The following MALRD1 variants were observed in gnomAD, a reference collection of about 807,000 sequenced individuals.
The protein encoded by MALRD1 is MAM and LDL receptor class A domain containing 1.
MALRD1 carries 247 observed loss-of-function variants against 242.1 expected under a neutral mutation model. The ratio of observed to expected loss-of-function variants is 1.02; its 90% CI spans 0.92 to 1.13. The LOEUF is 1.13. MALRD1 is among the 50% of genes most tolerant of loss of function. The pLI is 0.00. For missense variants in MALRD1, 2,989 were observed against 2,533.1 expected, an observed-to-expected ratio of 1.18 and a Z score of -3.86; for synonymous variants, 995 against 866.6, an observed-to-expected ratio of 1.15 and a Z score of -2.60.
chr10:19,291,204 A>C (rs1316211367), intron 21 of MALRD1, among the ~76,000 whole-genome samples: 1 of 152,098 alleles, frequency 6.6e-6, no homozygotes, highest in Non-Finnish European at 1.5e-5. Context: ...AGTTCCTCAC[A>C]CTTCATTCAT....
At chr10:19,415,269 G>A (rs775198403) in intron 28 of MALRD1, among the ~76,000 whole-genome samples, 11 of 152,046 alleles carry the variant, frequency 7.2e-5, no homozygotes, top group Non-Finnish European at 1.2e-4. Context: ...TTATTTGGGC[G>A]TTGACCATAC....
At chr10:19,725,448 G>A (rs1834979536) in intron 38 of MALRD1, among the ~76,000 whole-genome samples, 1 of 152,112 alleles carries the variant, frequency 6.6e-6, no homozygotes, top group African/African-American at 2.4e-5. Context: ...CAGGCCTGTG[G>A]AACTGTGAGT....
At chr10:19,528,014 G>A (rs1208638787) in intron 31 of MALRD1, among the ~76,000 whole-genome samples, 1 of 152,130 alleles carries the variant, frequency 6.6e-6, no homozygotes, top group African/African-American at 2.4e-5. Flanking sequence ...TAGGTATATT[G>A]GCTTTGCATT....
chr10:19,592,967 T>C (rs1837894662), intron 33 of MALRD1, among the ~76,000 whole-genome samples: 1 of 150,822 alleles, frequency 6.6e-6, no homozygotes, highest in Non-Finnish European at 1.5e-5. Context: ...CAACCTTTGG[T>C]GAGCTCATAA....
rs41497046 is a variant in MALRD1 at position 19,488,140 on chromosome 10, A to G, written c.5030-3377A>G. 5.9e-3 allele frequency among the ~76,000 whole-genome samples: 901 copies of G among 152,360 alleles called. 13 individuals carry two copies. Among genetic ancestry groups the G allele is most frequent in the Admixed American group, 0.024 (362 of 15,306 alleles). On this transcript the variant is annotated intron_variant, in intron 29 of 39. Coordinates refer to ENST00000454679, the MANE Select transcript of MALRD1 (RefSeq NM_001142308.3). ...AATATAAGTCACTATGAATCTGTGA[A>G]GTATTGTCATTTGACTACATATCTG...
chr10:19,610,523 C>T (rs765912137), intron 35 of MALRD1, among the ~76,000 whole-genome samples: 6 of 151,940 alleles, frequency 3.9e-5, no homozygotes, highest in Non-Finnish European at 8.8e-5. Context: ...TGGTTTGTTG[C>T]ACAAAATCTT....
At chr10:19,411,920 G>A (rs1366328787) in intron 28 of MALRD1, among the ~76,000 whole-genome samples, 1 of 152,216 alleles carries the variant, frequency 6.6e-6, no homozygotes, top group Non-Finnish European at 1.5e-5. Flanking sequence ...TATAAGCCTT[G>A]TGGGACAACT....
chr10:19,055,228 G>T (rs1420230914), intron 1 of MALRD1, among the ~76,000 whole-genome samples: 1 of 151,998 alleles, frequency 6.6e-6, no homozygotes, highest in Non-Finnish European at 1.5e-5. Flanking sequence ...AAGGTCCTTT[G>T]CCCACTTTTA....
chr10:19,121,520 C>G (rs1228668849), intron 5 of MALRD1, among the ~76,000 whole-genome samples: 1 of 152,068 alleles, frequency 6.6e-6, no homozygotes, highest in African/African-American at 2.4e-5. Context: ...AGAAGGTTGT[C>G]GGATCAGGAG....
chr10:19,631,148 C>A (rs913764784), intron 36 of MALRD1, among the ~76,000 whole-genome samples: 2 of 152,164 alleles, frequency 1.3e-5, no homozygotes, highest in African/African-American at 4.8e-5. Flanking sequence ...TCCTCCCAAC[C>A]TGCACCTTCA....
At chr10:19,227,073 C>A (rs901037487) in intron 18 of MALRD1, among the ~76,000 whole-genome samples, 13 of 151,568 alleles carry the variant, frequency 8.6e-5, no homozygotes, top group African/African-American at 3.1e-4. Flanking sequence ...GATGATAATT[C>A]CCCTGAAACT....
At chr10:19,426,883 C>A (rs1472709913) in intron 28 of MALRD1, among the ~76,000 whole-genome samples, 4 of 152,014 alleles carry the variant, frequency 2.6e-5, no homozygotes, top group Non-Finnish European at 5.9e-5. Context: ...TATTTTTTTC[C>A]TTTTAAATGT....
chr10:19,591,481 C>T (rs1197311631), intron 33 of MALRD1, among the ~76,000 whole-genome samples: 2 of 150,230 alleles, frequency 1.3e-5, no homozygotes, highest in Non-Finnish European at 3.0e-5. Context: ...TTCTTTCCTT[C>T]CTTCCTTTTA....
chr10:19,381,158 T>C (rs1485889709), intron 26 of MALRD1, among the ~76,000 whole-genome samples: 1 of 147,662 alleles, frequency 6.8e-6, no homozygotes, highest in Non-Finnish European at 1.5e-5. Context: ...GAATATGCGG[T>C]GTTCGGTTTT....
chr10:19,463,380 A>ATGCATCCTC (rs61515073), intron 29 of MALRD1, among the ~76,000 whole-genome samples: 2 of 150,654 alleles, frequency 1.3e-5, no homozygotes, highest in Admixed American at 1.3e-4. Context: ...TTATGATACA[A>ATGCATCCTC]TGCATCCTCT....
chr10:19,340,986 A>G (rs544358757), intron 24 of MALRD1, among the ~76,000 whole-genome samples: 1 of 152,134 alleles, frequency 6.6e-6, no homozygotes, highest in Non-Finnish European at 1.5e-5. Flanking sequence ...TAATACAAAA[A>G]ATTTTACAAA....
In MALRD1 at chr10:19,165,718, C is replaced by G; in HGVS notation, c.1738C>G (p.Gln580Glu). ...GTCTCTAGATGGAAACTTGCAAAAG[C>G]AGGGCAAAATAATCAGATTCTCCGA... The part of the protein sequence containing the change: ...RTSLDGNLQK[Q>E]GKIIRFSESQ... The change falls in exon 13 of 40, where the codon CAG (glutamine) becomes GAG (glutamate). Residue 580 changes from glutamine to glutamate, a missense_variant. By Grantham distance (29) the Gln-to-Glu change is conservative (BLOSUM62 2). Coordinates refer to ENST00000454679, the MANE Select transcript of MALRD1 (RefSeq NM_001142308.3). 1 of 1,231,634 alleles carries G rather than the reference C, an allele frequency of 8.1e-7. No individual in the cohort carries two copies. Among genetic ancestry groups the G allele is most frequent in the Non-Finnish European group, 1.0e-6 (1 of 987,940 alleles). 76.3% of individuals were successfully genotyped at this position (1,231,634 alleles called of 1,614,324 possible). A position where few individuals can be genotyped will look rare whatever the true frequency, so the allele number is the denominator to read the frequency against.
chr10:19,184,959 GAAGTCCATTTT>G (rs889005073), intron 14 of MALRD1, among the ~76,000 whole-genome samples: 3 of 152,170 alleles, frequency 2.0e-5, no homozygotes, highest in Non-Finnish European at 4.4e-5. Flanking sequence ...CCCTGTGTTT[GAAGTCCATTTT>G]GAAATTTACT....
At chr10:19,615,516 C>CAAAAAAAAAAAAAAAAAAAA (rs530920512) in intron 35 of MALRD1, among the ~76,000 whole-genome samples, 17 of 37,210 alleles carry the variant, frequency 4.6e-4, no homozygotes, top group African/African-American at 1.6e-3. Flanking sequence ...GACCCTGCCT[C>CAAAAAAAAAAAAAAAAAAAA]AAAAAAAAAA....
Sources: allele counts gnomAD v4.1 joint callset (sites outside exome capture counted in the v4.1 genomes callset), GRCh38; gene constraint gnomAD v4.1.1; transcripts MANE v1.5; gene names NCBI Gene and HGNC (gene_info 2026-07-23, HGNC 2026-07-21).